Variants in CACNB2 observed in about 807,000 individuals in gnomAD.
CACNB2 encodes voltage-dependent L-type calcium channel subunit beta-2.
A neutral mutation model predicts 73.3 loss-of-function variants in CACNB2; 42 were observed. The ratio of observed to expected loss-of-function variants is 0.57; its 90% CI spans 0.45 to 0.74. CACNB2 has a LOEUF of 0.74. Among genes scored for constraint, CACNB2 ranks in the 30% least tolerant of loss-of-function variants. The pLI is 0.00. For synonymous variants in CACNB2, 348 were observed against 310.3 expected (o/e 1.12, Z -1.28); for missense variants, 940 against 853.0 (o/e 1.10, Z -1.27).
intron 2 of CACNB2, among the ~76,000 whole-genome samples, chr10:18,271,253 T>A (rs1405011693): frequency 6.6e-6 from 1 of 152,200 alleles, no homozygotes; most frequent in Non-Finnish European, 1.5e-5. Flanking sequence ...CTTTTCCCGA[T>A]TTAGATGATA....
intron 2 of CACNB2, among the ~76,000 whole-genome samples, chr10:18,396,709 G>A (rs1032186173): frequency 5.9e-5 from 9 of 152,328 alleles, no homozygotes; most frequent in Admixed American, 5.9e-4. Flanking sequence ...GACCACAGGT[G>A]ATCCACCCAC....
intron 2 of CACNB2, among the ~76,000 whole-genome samples, chr10:18,259,181 A>T (rs144901423): frequency 2.0e-5 from 3 of 152,222 alleles, no homozygotes; most frequent in African/African-American, 7.2e-5. Context: ...CCAGTTTGTC[A>T]GTTAAATAAG....
chr10:18,539,778 C>T lies in CACNB2; in HGVS notation c.*54C>T. On this transcript the variant is annotated 3_prime_UTR_variant, in exon 14 of 14. Coordinates refer to ENST00000324631, the MANE Select transcript of CACNB2 (RefSeq NM_201596.3). ...TTTTTTTGAAGTCTTGTATAACTAA[C>T]AGCATCCCCAAAACAAAGTCTTTGG... The T allele has an allele frequency of 6.6e-7, 1 of 1,521,736 alleles. No individual in the cohort carries two copies. 94.3% of individuals were successfully genotyped at this position (1,521,736 alleles called of 1,614,324 possible).
intron 2 of CACNB2, among the ~76,000 whole-genome samples, chr10:18,392,114 T>A (rs1289199746): frequency 6.6e-6 from 1 of 151,734 alleles, no homozygotes; most frequent in Admixed American, 6.6e-5. Context: ...AGGGTAGAAA[T>A]CTAGGGGAGG....
chr10:18,380,744 C>G (rs767276320), intron 2 of CACNB2, among the ~76,000 whole-genome samples: 29 of 151,890 alleles, frequency 1.9e-4, no homozygotes, highest in Non-Finnish European at 4.0e-4. Context: ...AATGAGCCAC[C>G]ACGCCCCGCC....
At chr10:18,423,420 G>C (rs1435598350) in intron 3 of CACNB2, among the ~76,000 whole-genome samples, 1 of 152,164 alleles carries the variant, frequency 6.6e-6, no homozygotes, top group Non-Finnish European at 1.5e-5. Flanking sequence ...CCAGGAGAAA[G>C]AATTCCCCCT....
intron 2 of CACNB2, among the ~76,000 whole-genome samples, chr10:18,193,701 T>C (rs976727507): frequency 1.3e-5 from 2 of 152,148 alleles, no homozygotes; most frequent in South Asian, 2.1e-4. Flanking sequence ...TGGTGGGCTA[T>C]GGAGGAGTGC....
chr10:18,254,918 T>A (rs547078821), intron 2 of CACNB2, among the ~76,000 whole-genome samples: 1 of 152,372 alleles, frequency 6.6e-6, no homozygotes, highest in South Asian at 2.1e-4. Context: ...TCTGTTTCTG[T>A]CCTTGCACTT....
chr10:18,147,529 C>T (rs779963186), intron 1 of CACNB2, among the ~76,000 whole-genome samples: 2 of 152,202 alleles, frequency 1.3e-5, no homozygotes, highest in Non-Finnish European at 2.9e-5. Context: ...ATAGGTAACA[C>T]CTTGTACTAC....
intron 2 of CACNB2, among the ~76,000 whole-genome samples, chr10:18,356,936 C>G (rs1488626244): frequency 3.1e-5 from 2 of 65,230 alleles, no homozygotes; most frequent in Non-Finnish European, 7.1e-5. Context: ...GGCCCAGACT[C>G]AATTTCTTTT....
chr10:18,242,903 G>A (rs765800985), intron 2 of CACNB2, among the ~76,000 whole-genome samples: 4 of 150,766 alleles, frequency 2.7e-5, no homozygotes, highest in Non-Finnish European at 3.0e-5. Context: ...CCAGCTATTC[G>A]GGAGGCTGAG....
chr10:18,170,423 C>A (rs1178435182), intron 2 of CACNB2, among the ~76,000 whole-genome samples: 1 of 152,166 alleles, frequency 6.6e-6, no homozygotes, highest in Non-Finnish European at 1.5e-5. Flanking sequence ...CTATAGTGCA[C>A]CCTTTTCTAT....
At chr10:18,161,571 T>C (rs1430142895) in intron 2 of CACNB2, among the ~76,000 whole-genome samples, 2 of 152,038 alleles carry the variant, frequency 1.3e-5, no homozygotes, top group Non-Finnish European at 2.9e-5. Flanking sequence ...CATGGAAAGA[T>C]TTGTTGATTT....
intron 2 of CACNB2, among the ~76,000 whole-genome samples, chr10:18,378,443 C>T (rs537663060): frequency 5.3e-5 from 8 of 152,214 alleles, no homozygotes; most frequent in African/African-American, 1.7e-4. Context: ...TTAATCAGAG[C>T]TGTAATTATT....
chr10:18,478,860 C>T (rs957856078), intron 3 of CACNB2, among the ~76,000 whole-genome samples: 6 of 152,110 alleles, frequency 3.9e-5, no homozygotes, highest in Non-Finnish European at 8.8e-5. Context: ...CTCTTTGGTG[C>T]CTCTGGGTCC....
At chr10:18,247,950 A>G in intron 2 of CACNB2, among the ~76,000 whole-genome samples, 1 of 152,160 alleles carries the variant, frequency 6.6e-6, no homozygotes, top group East Asian at 1.9e-4. Flanking sequence ...GTGTTCTAAT[A>G]TGGTGGAAGG....
intron 2 of CACNB2, among the ~76,000 whole-genome samples, chr10:18,168,033 G>A (rs2032976440): frequency 1.3e-5 from 2 of 152,116 alleles, no homozygotes; most frequent in Admixed American, 6.6e-5. Flanking sequence ...CTATCTTAAT[G>A]AGTAATCATG....
At chr10:18,212,590 T>C (rs1181301260) in intron 2 of CACNB2, among the ~76,000 whole-genome samples, 4 of 152,220 alleles carry the variant, frequency 2.6e-5, no homozygotes, top group African/African-American at 9.6e-5. Flanking sequence ...TTACTGCTAA[T>C]ATTTTTTTAA....
At chr10:18,315,035 A>AG (rs1831490954) in intron 2 of CACNB2, among the ~76,000 whole-genome samples, 1 of 152,184 alleles carries the variant, frequency 6.6e-6, no homozygotes, top group African/African-American at 2.4e-5. Flanking sequence ...TCTAATTCAG[A>AG]GATAAAAACA....
Sources: gnomAD v4.1 joint callset for allele counts (sites outside exome capture counted in the v4.1 genomes callset) on GRCh38, gnomAD v4.1.1 for gene constraint, MANE v1.5 for transcripts, NCBI Gene and HGNC (gene_info 2026-07-23, HGNC 2026-07-21) for gene names.